AGAP2: variants seen among roughly 807,000 people sequenced by gnomAD.
AGAP2 encodes the protein arf-GAP with GTPase, ANK repeat and PH domain-containing protein 2.
In AGAP2, 32 loss-of-function variants were observed where a neutral mutation model predicts 110.9. That is an observed-to-expected ratio of 0.29 (90% CI 0.22 to 0.39). The LOEUF (loss-of-function observed/expected upper bound fraction) is 0.39. Among genes scored for constraint, AGAP2 ranks in the 10% least tolerant of loss-of-function variants. AGAP2 has a pLI of 1.00. For synonymous variants in AGAP2, 702 were observed against 713.0 expected (o/e 0.98, Z 0.25); for missense variants, 1,285 against 1,638.5 (o/e 0.78, Z 3.72).
At position 57,734,144 on chromosome 12, in the gene AGAP2, G is replaced by T; in HGVS notation, c.1431C>A (p.Phe477Leu). 1 of 1,612,574 alleles carries T rather than the reference G, an allele frequency of 6.2e-7. No homozygotes were observed. Among genetic ancestry groups the T allele is most frequent in the Non-Finnish European group, 8.5e-7 (1 of 1,179,098 alleles). The change falls in exon 5 of 19, where the codon TTC (phenylalanine) becomes TTA (leucine). Residue 477 changes from phenylalanine (F) to leucine (L), a missense_variant. Coordinates refer to ENST00000547588, the MANE Select transcript of AGAP2 (RefSeq NM_001122772.3). ...KFSGWADAVI[F>L]VFSLEDENSF... is the part of the protein sequence containing the mutation. ...TGTTCTCATCCTCCAGGCTGAAGAC[G>T]AAGATCACAGCATCTGCCCAGCCTG...
intron 13 of AGAP2, 103 bp from the exon 14 acceptor site, chr12:57,728,480 G>T: frequency 8.3e-7 from 1 of 1,201,366 alleles, no homozygotes; most frequent in Non-Finnish European, 1.2e-6. Flanking sequence ...GAGAGATGGA[G>T]AGAGATAGTG....
intron 2 of AGAP2, among the ~76,000 whole-genome samples, 200 bp downstream of exon 2, chr12:57,735,169 G>T (rs1370717832): frequency 6.6e-6 from 1 of 152,114 alleles, no homozygotes; most frequent in African/African-American, 2.4e-5. Flanking sequence ...GCTGCATAAA[G>T]ACTAGATAGG....
At chr12:57,742,080 G>A, upstream of AGAP2, 1 of 1,612,860 alleles carries the variant, frequency 6.2e-7, no homozygotes, top group South Asian at 1.1e-5. Context: ...ATGTTGCCCA[G>A]ACCTGTCTTG....
At chr12:57,733,693 C>A (rs238525) in intron 5 of AGAP2, among the ~76,000 whole-genome samples, 151,132 of 152,342 alleles carry the variant, frequency 0.99, 74,975 homozygotes, top group East Asian at 1. Context: ...TCCTATCCAC[C>A]CTAGGACTTG....
chr12:57,729,954 T>A (rs1565792318), intron 12 of AGAP2, among the ~76,000 whole-genome samples, 187 bp from the exon 13 acceptor site: 1 of 152,182 alleles, frequency 6.6e-6, no homozygotes, highest in Non-Finnish European at 1.5e-5. Context: ...GAGTCAGTCC[T>A]GCACTCAGAT....
At position 57,731,837 on chromosome 12, in the gene AGAP2, G is replaced by T; in HGVS notation, c.1925C>A (p.Ala642Glu). Residue 642 changes from alanine to glutamate, a missense_variant, in exon 8 of 19, where the codon GCA becomes GAA. This residue lies in a region of AGAP2 where 844 missense variants were observed against 941.2 expected (regional missense o/e 0.90). Coordinates refer to ENST00000547588, the MANE Select transcript of AGAP2 (RefSeq NM_001122772.3). ...AAAAAGGCTGGTCCTGCGCTTGGCT[G>T]CCCGGTGCAGGGACCCTGGGGTGCT... ...GLSTPGSLHR[A>E]AKRRTSLFAN... 6.3e-7 allele frequency: 1 copy of T among 1,591,156 alleles called. No homozygotes were observed. The highest frequency in any genetic ancestry group is 8.6e-7 in the Non-Finnish European group (1 of 1,169,084).
rs1565789655 is a variant in AGAP2 at position 57,726,882 on chromosome 12, G to A, written c.3337-88C>T. On this transcript the variant is annotated intron_variant, in intron 18 of 18. Transcript: ENST00000547588. The surrounding 1 kb of genome is among the most constrained non-coding windows in gnomAD (Gnocchi z 5.7). ...CCCCCACATGGCCAAGCCTACTTCC[G>A]GGGTCCCTCTGGGAATTTCGGGCTT... The A allele has an allele frequency of 1.4e-6, 2 of 1,462,936 alleles. No homozygotes were observed. The highest frequency in any genetic ancestry group is 1.4e-5 in the African/African-American group (1 of 70,606). 90.6% of individuals were successfully genotyped at this position (1,462,936 alleles called of 1,614,324 possible). A position where few individuals can be genotyped will look rare whatever the true frequency, so the allele number is the denominator to read the frequency against.
chr12:57,727,803 T>A (rs1954801983), intron 15 of AGAP2, 32 bp from the exon 16 acceptor site: 1 of 1,573,848 alleles, frequency 6.4e-7, no homozygotes, highest in African/African-American at 1.3e-5. Flanking sequence ...GCACTGACTC[T>A]GCCTCCAAGC....
At chr12:57,728,409 G>A (rs570214357) in intron 13 of AGAP2, 32 bp from the exon 14 acceptor site, 1 of 1,608,312 alleles carries the variant, frequency 6.2e-7, no homozygotes, top group Non-Finnish European at 8.5e-7. Flanking sequence ...GATAGAGATA[G>A]AATGGAGAGC....
rs186286541 is a variant in AGAP2, at chr12:57,730,971, C to A, written c.2146-18G>T. ...ATGTAATCCTGGAGGGGTACAGGGC[C>A]GAGAGTGTAGGGAAGGTTGGGGTCC... On this transcript the variant is annotated intron_variant, in intron 10 of 18. Transcript: ENST00000547588. 1.1e-5 allele frequency: 17 copies of A among 1,504,542 alleles called. No individual in the cohort carries two copies. The highest frequency in any genetic ancestry group is 7.8e-5 in the South Asian group (6 of 76,728). 93.2% of individuals were successfully genotyped at this position (1,504,542 alleles called of 1,614,324 possible).
rs1365219113 is a variant in AGAP2, at chr12:57,738,064, C to T, written c.183G>A (p.Pro61=). Residue 61 remains proline, a synonymous_variant, in exon 1 of 19, where the codon CCG becomes CCA. Coordinates refer to ENST00000547588, the MANE Select transcript of AGAP2 (RefSeq NM_001122772.3). This position sits in a 1 kb window ranked among gnomAD's most constrained non-coding sequence, Gnocchi z 6.7. ...AGAGACGTTCGTGCCGCTTCTTGCC[C>T]GGCTCCTCCGCGCCTCGGGGGCTGC... ...DPGSPRGAEE[P]GKKRHERLFH... The T allele has an allele frequency of 2.0e-6, 3 of 1,523,980 alleles. No individual in the cohort carries two copies. The highest frequency in any genetic ancestry group is 2.6e-6 in the Non-Finnish European group (3 of 1,141,302). 94.4% of individuals were successfully genotyped at this position (1,523,980 alleles called of 1,614,324 possible). A position where few individuals can be genotyped will look rare whatever the true frequency, so the allele number is the denominator to read the frequency against.
chr12:57,733,185 CTG>C (rs35371569), intron 5 of AGAP2, among the ~76,000 whole-genome samples: 2,389 of 144,840 alleles, frequency 0.016, 27 homozygotes, highest in African/African-American at 0.038. Flanking sequence ...GCTGGGTGAG[CTG>C]TGTGTGTGTG....
chr12:57,728,574 A>T (rs534689211), intron 13 of AGAP2, among the ~76,000 whole-genome samples, 197 bp from the exon 14 acceptor site: 1 of 152,322 alleles, frequency 6.6e-6, no homozygotes, highest in Non-Finnish European at 1.5e-5. Flanking sequence ...AGAGTGGAAC[A>T]GAAGCCAAGA....
chr12:57,729,888 C>G (rs1477758935), intron 12 of AGAP2, 121 bp from the exon 13 acceptor site: 3 of 1,391,254 alleles, frequency 2.2e-6, no homozygotes, highest in Non-Finnish European at 2.9e-6. Flanking sequence ...TCAACTGTCC[C>G]TCTCCAGGAG....
Position 57,726,421 on chromosome 12 carries a change from T to G in AGAP2, c.*131A>C. 13 of 917,542 alleles carry G rather than the reference T, an allele frequency of 1.4e-5. No individual in the cohort carries two copies. The highest frequency in any genetic ancestry group is 1.6e-5 in the Non-Finnish European group (12 of 730,692). 56.8% of individuals were successfully genotyped at this position (917,542 alleles called of 1,614,324 possible). ...GGAAGGCGTGGGGGCTGTGCCCTCG[T>G]GGGGGTAGGAAGTGCTCCCGTGGGG... On this transcript the variant is annotated 3_prime_UTR_variant, in exon 19 of 19. Transcript: ENST00000547588. The surrounding 1 kb of genome is among the most constrained non-coding windows in gnomAD (Gnocchi z 5.7).
At chr12:57,727,315 C>T (rs1954789519) in intron 17 of AGAP2, 45 bp downstream of exon 17, 1 of 1,606,386 alleles carries the variant, frequency 6.2e-7, no homozygotes, top group East Asian at 2.2e-5. Flanking sequence ...CTCAGGTTCG[C>T]ACACCCTCAG....
Position 57,731,982 on chromosome 12 carries a change from A to C in AGAP2, c.1795-15T>G. On this transcript the variant is annotated splice_polypyrimidine_tract_variant and intron_variant, in intron 7 of 18. Coordinates refer to ENST00000547588, the MANE Select transcript of AGAP2 (RefSeq NM_001122772.3). Reference sequence around the variant, plus strand: ...CCGTTACTAGCCTGGGCACATATGGAAGAGTCAGCAGAGCTGAGATGCCCC... The same window carrying C: ...CCGTTACTAGCCTGGGCACATATGGCAGAGTCAGCAGAGCTGAGATGCCCC... The C allele has an allele frequency of 6.2e-7, 1 of 1,612,546 alleles. No individual in the cohort carries two copies. The highest frequency in any genetic ancestry group is 1.1e-5 in the South Asian group (1 of 90,802).
At chr12:57,736,444 A>G (rs967034484) in intron 1 of AGAP2, among the ~76,000 whole-genome samples, 9 of 152,106 alleles carry the variant, frequency 5.9e-5, no homozygotes, top group South Asian at 2.1e-4. Context: ...GTGGGTTTCA[A>G]TGCGGCTCTG....
chr12:57,726,982 G>A lies in AGAP2; in HGVS notation c.3328C>T (p.Leu1110=). Residue 1110 remains leucine (L), a synonymous_variant, in exon 18 of 19, where the codon CTG becomes TTG. Transcript: ENST00000547588. This position sits in a 1 kb window ranked among gnomAD's most constrained non-coding sequence, Gnocchi z 5.7. ...ELAHVVITQL[L]LWYGADVAAR... ...CCCCCCAGCTCACGTACCCACAGCA[G>A]CAGTTGCGTGATGACGACGTGGGCG... 6.3e-7 allele frequency: 1 copy of A among 1,587,534 alleles called. No homozygotes were observed. Among genetic ancestry groups the A allele is most frequent in the Non-Finnish European group, 8.6e-7 (1 of 1,166,700 alleles).
Sources: gnomAD v4.1 joint callset for allele counts (sites outside exome capture counted in the v4.1 genomes callset) on GRCh38, gnomAD v4.1.1 for gene constraint, gnomAD v4.1.1 regional missense constraint, Gnocchi (gnomAD v3.1) non-coding constraint, MANE v1.5 for transcripts, NCBI Gene and HGNC (gene_info 2026-07-23, HGNC 2026-07-21) for gene names.